Variants in SASH1 observed in about 807,000 individuals in gnomAD.
SASH1 encodes SAM and SH3 domain-containing protein 1.
SASH1 carries 44 observed loss-of-function variants against 125.2 expected under a neutral mutation model. The observed-to-expected ratio is 0.35, with a 90% confidence interval of 0.28 to 0.45. SASH1 has a LOEUF of 0.45. SASH1 is among the 20% of genes least tolerant of loss of function. SASH1 has a pLI of 1.00. For synonymous variants in SASH1, 639 were observed against 649.1 expected (o/e 0.98, Z 0.24); for missense variants, 1,426 against 1,614.5 (o/e 0.88, Z 2.00).
In SASH1 at chr6:148,529,820, GTT is replaced by G; in HGVS notation, c.1429-1703_1429-1702del. On this transcript the variant is annotated intron_variant, in intron 12 of 19. Coordinates refer to ENST00000367467, the MANE Select transcript of SASH1 (RefSeq NM_015278.5). The surrounding 1 kb of genome is among the most constrained non-coding windows in gnomAD (Gnocchi z 4.2). ...TTGTTTTTTTTTTGTTTTTGTTTTT[GTT>G]TTGAGACGGAGTGTCACTCTGTCAC... 6.8e-6 allele frequency among the ~76,000 whole-genome samples: 1 copy of G among 148,098 alleles called. No homozygotes were observed. The highest frequency in any genetic ancestry group is 2.0e-4 in the East Asian group (1 of 5,084).
chr6:148,506,590 A>G (rs577649815), intron 8 of SASH1, among the ~76,000 whole-genome samples: 11 of 152,358 alleles, frequency 7.2e-5, no homozygotes, highest in African/African-American at 9.6e-5. Context: ...AAGTGCTACT[A>G]TACCACATTT....
chr6:148,408,660 A>C (rs780253696), intron 2 of SASH1, among the ~76,000 whole-genome samples: 4 of 152,154 alleles, frequency 2.6e-5, no homozygotes, highest in Non-Finnish European at 5.9e-5. Flanking sequence ...TTGATGCACA[A>C]ACGTTTTCAT....
intron 2 of SASH1, among the ~76,000 whole-genome samples, chr6:148,413,493 A>G (rs1468314318): frequency 6.6e-6 from 1 of 152,150 alleles, no homozygotes; most frequent in Non-Finnish European, 1.5e-5. Context: ...TGTGCGGGAA[A>G]GATCAGGAGC....
At chr6:148,197,769 G>C in the SASH1 span, among the ~76,000 whole-genome samples, 3 of 152,118 alleles carry the variant, frequency 2.0e-5, no homozygotes, top group Admixed American at 6.5e-5. Context: ...TATCGAGGGA[G>C]GTAGGTGATT....
chr6:148,427,799 G>A (rs1366842504), intron 2 of SASH1, among the ~76,000 whole-genome samples: 1 of 152,178 alleles, frequency 6.6e-6, no homozygotes, highest in African/African-American at 2.4e-5. Flanking sequence ...TTCTGTTCCT[G>A]CCCTGGGTAC....
chr6:148,314,476 T>C (rs1780425865), intron 1 of SASH1, among the ~76,000 whole-genome samples: 2 of 152,192 alleles, frequency 1.3e-5, no homozygotes, highest in Admixed American at 6.5e-5. Flanking sequence ...AAACAATTTA[T>C]ATGGTAATGA....
intron 1 of SASH1, among the ~76,000 whole-genome samples, chr6:148,293,982 T>C (rs1188635169): frequency 6.6e-6 from 1 of 152,222 alleles, no homozygotes; most frequent in Non-Finnish European, 1.5e-5. Context: ...GATGGCTGAA[T>C]TGTTTCATGA....
chr6:148,369,822 T>C (rs1782636927), intron 1 of SASH1, among the ~76,000 whole-genome samples: 1 of 151,262 alleles, frequency 6.6e-6, no homozygotes, highest in Non-Finnish European at 1.5e-5. Flanking sequence ...GGTGTGGTGG[T>C]GTGTGCTTGT....
intron 2 of SASH1, among the ~76,000 whole-genome samples, chr6:148,438,445 A>G (rs1382471575): frequency 6.6e-6 from 1 of 152,158 alleles, no homozygotes; most frequent in Non-Finnish European, 1.5e-5. Flanking sequence ...TTGTCCATAT[A>G]CTGTTTGGTA....
intron 4 of SASH1, among the ~76,000 whole-genome samples, chr6:148,460,169 T>C (rs1777548738): frequency 6.6e-6 from 1 of 152,210 alleles, no homozygotes; most frequent in South Asian, 2.1e-4. Context: ...ACAAAGGTGA[T>C]TGTCAATAGA....
intron 8 of SASH1, chr6:148,512,831 G>A (rs1312917755): frequency 2.0e-6 from 2 of 985,174 alleles, no homozygotes; most frequent in Non-Finnish European, 2.4e-6. Context: ...AGAGAAGTCT[G>A]AGAAACACTT....
rs1285012718 is a variant in SASH1, at chr6:148,549,433, CTG to C, written c.*877_*878del. The C allele has an allele frequency of 2.0e-5, 8 of 394,158 alleles. No individual in the cohort carries two copies. The allele number at this position is 394,158 out of a possible 1,614,324, so 24.4% of individuals were successfully genotyped here. On this transcript the variant is annotated 3_prime_UTR_variant, in exon 20 of 20. Coordinates refer to ENST00000367467, the MANE Select transcript of SASH1 (RefSeq NM_015278.5). ...TGCGTGCGTGCGTGCGCGTGTGTGTCTGTATTCATAGTGACTGCTTTTGGTTT... is the reference window on the plus strand; with the variant it reads ...TGCGTGCGTGCGTGCGCGTGTGTGTCTATTCATAGTGACTGCTTTTGGTTT...
At chr6:148,291,078 C>T (rs1779621336) in intron 1 of SASH1, among the ~76,000 whole-genome samples, 1 of 151,406 alleles carries the variant, frequency 6.6e-6, no homozygotes. Context: ...TGGCTCACTG[C>T]AGCCTCAACT....
At chr6:148,530,232 CAT>C (rs1173578868) in intron 12 of SASH1, among the ~76,000 whole-genome samples, 4 of 152,138 alleles carry the variant, frequency 2.6e-5, no homozygotes, top group Non-Finnish European at 4.4e-5. Context: ...AATTCATAAA[CAT>C]GTGATGAATA....
intron 1 of SASH1, among the ~76,000 whole-genome samples, chr6:148,318,541 ATAC>A: frequency 6.9e-6 from 1 of 144,770 alleles, no homozygotes; most frequent in Admixed American, 7.6e-5. Context: ...GTGGGCACAT[ATAC>A]TACTAATTTC....
intron 1 of SASH1, among the ~76,000 whole-genome samples, chr6:148,274,825 T>G (rs979321759): frequency 6.6e-6 from 1 of 152,178 alleles, no homozygotes; most frequent in African/African-American, 2.4e-5. Context: ...GATTATAAAT[T>G]TACTGTTACC....
At chr6:148,225,241 T>C in the SASH1 span, among the ~76,000 whole-genome samples, 1 of 152,348 alleles carries the variant, frequency 6.6e-6, no homozygotes, top group Admixed American at 6.5e-5. Context: ...CCAAAGGTTA[T>C]GGACAGAGTT....
At chr6:148,513,520 T>C in intron 8 of SASH1, 1 of 985,468 alleles carries the variant, frequency 1.0e-6, no homozygotes, top group Non-Finnish European at 1.2e-6. Context: ...GGAAGGATTG[T>C]TTTTAGCCTG....
At chr6:148,337,091 G>A (rs970986288) in intron 1 of SASH1, among the ~76,000 whole-genome samples, 5 of 152,058 alleles carry the variant, frequency 3.3e-5, no homozygotes, top group South Asian at 2.1e-4. Context: ...ACAGAGTCTC[G>A]CTCTGTTGCC....
Sources: allele counts gnomAD v4.1 joint callset (sites outside exome capture counted in the v4.1 genomes callset), GRCh38; gene constraint gnomAD v4.1.1; non-coding constraint Gnocchi (gnomAD v3.1); transcripts MANE v1.5; gene names NCBI Gene and HGNC (gene_info 2026-07-23, HGNC 2026-07-21).